PRELP: variants seen among roughly 807,000 people sequenced by gnomAD.
The protein encoded by PRELP is proline and arginine rich end leucine rich repeat protein, also known as prolargin.
PRELP carries 16 observed loss-of-function variants against 22.8 expected under a neutral mutation model. That is an observed-to-expected ratio of 0.70 (90% confidence interval 0.47 to 1.06). The LOEUF is 1.06. PRELP is among the 50% of genes least tolerant of loss of function. The pLI is 0.00. For missense variants in PRELP, 434 were observed against 485.2 expected (o/e 0.89, Z 0.99); for synonymous variants, 233 against 211.4 (o/e 1.10, Z -0.89).
At chr1:203,482,811 A>G (rs985150529) in intron 1 of PRELP, among the ~76,000 whole-genome samples, 2 of 150,924 alleles carry the variant, frequency 1.3e-5, no homozygotes. Flanking sequence ...GTTAGCCAGG[A>G]TGGTCTCGAT....
Position 203,488,679 on chromosome 1 carries a change from C to T in PRELP, c.*1798C>T, listed in dbSNP as rs938115812. 1 of 152,230 alleles carries T rather than the reference C, an allele frequency of 6.6e-6. No individual in the cohort carries two copies. Among genetic ancestry groups the T allele is most frequent in the Non-Finnish European group, 1.5e-5 (1 of 68,062 alleles). 9.4% of individuals were successfully genotyped at this position (152,230 alleles called of 1,614,324 possible). On this transcript the variant is annotated 3_prime_UTR_variant, in exon 3 of 3. Coordinates refer to ENST00000343110, the MANE Select transcript of PRELP (RefSeq NM_002725.4). ...TTTTCTGTATGGACTGTCCCTCCCC[C>T]AGAGGCTTCCCCACCCTCCATTGCC... is the stretch of plus-strand genomic sequence containing the variant.
intron 1 of PRELP, among the ~76,000 whole-genome samples, chr1:203,478,555 G>A (rs1332840154): frequency 1.3e-5 from 2 of 152,208 alleles, no homozygotes; most frequent in Non-Finnish European, 2.9e-5. Context: ...GCATTTTAAA[G>A]CTGCTAACTG....
chr1:203,483,093 A>G lies in PRELP; in HGVS notation c.-16-76A>G, dbSNP rs1450682371. ...CTTCCCTAGAGCTCTAGTTCTGCCCAACTCTGGCTTCAAAAACATGACAAC... is the reference window on the plus strand; with the variant it reads ...CTTCCCTAGAGCTCTAGTTCTGCCCGACTCTGGCTTCAAAAACATGACAAC... On this transcript the variant is annotated intron_variant, in intron 1 of 2. Transcript: ENST00000343110. The surrounding 1 kb of genome is among the most constrained non-coding windows in gnomAD (Gnocchi z 4.4). 3 of 1,245,596 alleles carry G rather than the reference A, an allele frequency of 2.4e-6. No individual in the cohort carries two copies. The highest frequency in any genetic ancestry group is 3.4e-6 in the Non-Finnish European group (3 of 890,838). The allele number at this position is 1,245,596 out of a possible 1,614,324, so 77.2% of individuals were successfully genotyped here.
chr1:203,482,268 T>C (rs1164020496), intron 1 of PRELP, among the ~76,000 whole-genome samples: 2 of 149,782 alleles, frequency 1.3e-5, no homozygotes, highest in African/African-American at 4.9e-5. Context: ...GAGTCCAGTG[T>C]GCTTTCTTTC....
intron 2 of PRELP, among the ~76,000 whole-genome samples, chr1:203,485,110 C>T (rs1248995748): frequency 1.3e-5 from 2 of 150,512 alleles, no homozygotes; most frequent in Admixed American, 1.3e-4. Flanking sequence ...GCGAATAGAT[C>T]GTTCACTCAT....
chr1:203,478,709 A>G (rs988943057), intron 1 of PRELP, among the ~76,000 whole-genome samples: 1 of 152,048 alleles, frequency 6.6e-6, no homozygotes, highest in African/African-American at 2.4e-5. Flanking sequence ...TCTCCTAACT[A>G]GTATGCACCA....
intron 1 of PRELP, among the ~76,000 whole-genome samples, chr1:203,477,635 C>T (rs900540245): frequency 2.0e-5 from 3 of 152,324 alleles, no homozygotes; most frequent in African/African-American, 7.2e-5. Flanking sequence ...AGAGGGTGAG[C>T]TGAACACTTT....
chr1:203,477,940 C>T (rs888579554), intron 1 of PRELP, among the ~76,000 whole-genome samples: 20 of 152,132 alleles, frequency 1.3e-4, no homozygotes, highest in Admixed American at 9.8e-4. Flanking sequence ...TGTGATCTCA[C>T]AAGCCACAAA....
rs1304458547 is a variant in PRELP, at chr1:203,489,947, A to C, written c.*3066A>C. ...ACTCCAGCCTAGGAGACAAAACGAG[A>C]CTTCATTTAAAAAAAATAAAAATAA... On this transcript the variant is annotated 3_prime_UTR_variant, in exon 3 of 3. Coordinates refer to ENST00000343110, the MANE Select transcript of PRELP (RefSeq NM_002725.4). 1 of 152,108 alleles carries C rather than the reference A, an allele frequency of 6.6e-6. No homozygotes were observed. The highest frequency in any genetic ancestry group is 6.6e-5 in the Admixed American group (1 of 15,262). 9.4% of individuals were successfully genotyped at this position (152,108 alleles called of 1,614,324 possible). A position where few individuals can be genotyped will look rare whatever the true frequency, so the allele number is the denominator to read the frequency against.
Position 203,483,663 on chromosome 1 carries a change from A to G in PRELP, c.479A>G (p.Asn160Ser), listed in dbSNP as rs199815054. Residue 160 changes from asparagine to serine, a missense_variant, in exon 2 of 3, where the codon AAC becomes AGC. Asn to Ser is a conservative substitution (Grantham distance 46, BLOSUM62 1). Transcript: ENST00000343110. This position sits in a 1 kb window ranked among gnomAD's most constrained non-coding sequence, Gnocchi z 4.4. ...CTGGTGTTCCTCTACATGGAGAAGA[A>G]CCAGTTGGAAGAGGTCCCCTCGGCC... ...PGLVFLYMEKNQLEEVPSALP... is the reference protein window; with the variant it reads ...PGLVFLYMEKSQLEEVPSALP... 4 of 1,614,148 alleles carry G rather than the reference A, an allele frequency of 2.5e-6. No homozygotes were observed. The Admixed American group carries it at 6.7e-5, about 27-fold the overall frequency.
At chr1:203,484,265 T>C (rs1041958873) in intron 2 of PRELP, 108 bp downstream of exon 2, 3 of 1,455,198 alleles carry the variant, frequency 2.1e-6, no homozygotes, top group African/African-American at 2.8e-5. Flanking sequence ...AAGCATCCAC[T>C]TTGGCACTGG....
At chr1:203,481,485 T>C (rs1241127272) in intron 1 of PRELP, among the ~76,000 whole-genome samples, 1 of 152,234 alleles carries the variant, frequency 6.6e-6, no homozygotes, top group Non-Finnish European at 1.5e-5. Flanking sequence ...AATGTATCTC[T>C]GACAATGTTA....
At position 203,489,352 on chromosome 1, in the gene PRELP, G is replaced by C. The variant is rs1661152018; in HGVS notation, c.*2471G>C. 1 of 152,212 alleles carries C rather than the reference G, an allele frequency of 6.6e-6. No individual in the cohort carries two copies. Among genetic ancestry groups the C allele is most frequent in the African/African-American group, 2.4e-5 (1 of 41,422 alleles). The allele number at this position is 152,212 out of a possible 1,614,324, so 9.4% of individuals were successfully genotyped here. A position where few individuals can be genotyped will look rare whatever the true frequency, so the allele number is the denominator to read the frequency against. On this transcript the variant is annotated 3_prime_UTR_variant, in exon 3 of 3. Transcript: ENST00000343110. ...CAGCTGTAAGCCAGAGGGGATTCAA[G>C]GTAAATAGGCTTTACAGGCTCCCCT...
chr1:203,481,938 G>A lies in PRELP; in HGVS notation c.-16-1231G>A, dbSNP rs78946764. Among the ~76,000 whole-genome samples the A allele has an allele frequency of 1.1e-4, 16 of 152,236 alleles. No individual in the cohort carries two copies. In the East Asian group the frequency reaches 1.7e-3, roughly 17 times the overall value. ...CTGCCCCTCAACAAATGAATGCTTC[G>A]GCTAAACCTCAATATATATAATAGG... is the stretch of plus-strand genomic sequence containing the variant. On this transcript the variant is annotated intron_variant, in intron 1 of 2. Coordinates refer to ENST00000343110, the MANE Select transcript of PRELP (RefSeq NM_002725.4).
At position 203,479,665 on chromosome 1, in the gene PRELP, C is replaced by T. The variant is rs528830095; in HGVS notation, c.-16-3504C>T. 1.8e-4 allele frequency among the ~76,000 whole-genome samples: 24 copies of T among 129,948 alleles called. No homozygotes were observed. In the East Asian group the frequency reaches 5.2e-3, roughly 28 times the overall value. The allele number at this position is 129,948 out of a possible 152,430, so 85.3% of individuals were successfully genotyped here. ...GCTGCAGTGAGCTGTGATTGCACTA[C>T]TGCACTCTAGCCTGGTCAACAAAGG... On this transcript the variant is annotated intron_variant, in intron 1 of 2. Transcript: ENST00000343110.
rs575679629 is a variant in PRELP, at chr1:203,484,204, T to C, written c.973+47T>C. ...GGGGCCGAAGGCAAGGAGGTTGGCTTGTGTAGCACTTCCACCCTCTCTAGG... is the reference window on the plus strand; with the variant it reads ...GGGGCCGAAGGCAAGGAGGTTGGCTCGTGTAGCACTTCCACCCTCTCTAGG... On this transcript the variant is annotated intron_variant, in intron 2 of 2. Transcript: ENST00000343110. The C allele has an allele frequency of 1.0e-5, 16 of 1,582,290 alleles. 1 individual carries two copies. Among genetic ancestry groups the C allele is most frequent in the Non-Finnish European group, 1.4e-5 (16 of 1,163,366 alleles).
In PRELP at chr1:203,486,908, T is replaced by C. The variant is rs149724291; in HGVS notation, c.*27T>C. 2,657 of 1,582,080 alleles carry C rather than the reference T, an allele frequency of 1.7e-3. 27 individuals carry two copies. In the East Asian group the frequency reaches 0.022, roughly 13 times the overall value. On this transcript the variant is annotated 3_prime_UTR_variant, in exon 3 of 3. Transcript: ENST00000343110. ...CCCTACTCCGCCACCGGATCTGCTC[T>C]GACCGCACTTGAAGGCTGGGGCCCA...
In PRELP at chr1:203,483,957, C is replaced by A. The variant is rs975062321; in HGVS notation, c.773C>A (p.Pro258His). 2.5e-6 allele frequency: 4 copies of A among 1,614,236 alleles called. No homozygotes were observed. Among genetic ancestry groups the A allele is most frequent in the Non-Finnish European group, 2.5e-6 (3 of 1,180,048 alleles). The change falls in exon 2 of 3, where the codon CCT becomes CAT. Residue 258 changes from proline (P) to histidine (H), a missense_variant. Pro to His is a moderately conservative substitution (Grantham distance 77, BLOSUM62 -2). Coordinates refer to ENST00000343110, the MANE Select transcript of PRELP (RefSeq NM_002725.4). The surrounding 1 kb of genome is among the most constrained non-coding windows in gnomAD (Gnocchi z 4.4). ...GACAGTAACAAGATTGAGACCATCC[C>A]TAACGGATACTTCAAGAGCTTTCCC... Reference protein sequence around the residue: ...YLDSNKIETIPNGYFKSFPNL... With the variant: ...YLDSNKIETIHNGYFKSFPNL...
intron 1 of PRELP, among the ~76,000 whole-genome samples, chr1:203,481,109 G>T (rs537221948): frequency 2.0e-5 from 3 of 151,964 alleles, no homozygotes; most frequent in East Asian, 3.9e-4. Flanking sequence ...ATATGCTTTC[G>T]GTGACAAAGG....
Sources: allele counts gnomAD v4.1 joint callset (sites outside exome capture counted in the v4.1 genomes callset), GRCh38; gene constraint gnomAD v4.1.1; non-coding constraint Gnocchi (gnomAD v3.1); transcripts MANE v1.5; gene names NCBI Gene and HGNC (gene_info 2026-07-23, HGNC 2026-07-21).